DPYSL4: variants seen among roughly 807,000 people sequenced by gnomAD.
DPYSL4 encodes the protein dihydropyrimidinase-related protein 4.
Under a neutral mutation model 63.4 loss-of-function variants are expected in DPYSL4, and 43 were observed. That is an observed-to-expected ratio of 0.68 (90% CI 0.53 to 0.88). DPYSL4 has a LOEUF of 0.88. Ranked by LOEUF, DPYSL4 falls within the 40% of genes least tolerant of loss-of-function variation. DPYSL4 has a pLI of 0.00. For missense variants in DPYSL4, 733 were observed against 819.5 expected (o/e 0.89, Z 1.29); for synonymous variants, 353 against 331.7 (o/e 1.06, Z -0.70).
intron 11 of DPYSL4, 30 bp downstream of exon 11, chr10:132,202,146 G>T (rs2062026654): frequency 6.2e-7 from 1 of 1,600,114 alleles, no homozygotes; most frequent in Non-Finnish European, 8.5e-7. Flanking sequence ...AGTCAGGGTT[G>T]GCCTTTGTGG....
intron 2 of DPYSL4, among the ~76,000 whole-genome samples, chr10:132,191,257 G>A (rs373023097): frequency 2.0e-4 from 22 of 110,590 alleles, no homozygotes; most frequent in African/African-American, 7.0e-4. Context: ...TTCCCAGCTC[G>A]TGTGTACACG....
intron 12 of DPYSL4, among the ~76,000 whole-genome samples, chr10:132,203,146 T>C (rs2062042420): frequency 6.6e-6 from 1 of 152,176 alleles, no homozygotes; most frequent in South Asian, 2.1e-4. Flanking sequence ...GAAATCTAGC[T>C]CCCCACGGGA....
At position 132,195,446 on chromosome 10, in the gene DPYSL4, A is replaced by G. The variant is rs199802505; in HGVS notation, c.478+437A>G. On this transcript the variant is annotated intron_variant, in intron 4 of 13. Transcript: ENST00000338492. ...CACAAAAAACCCTGAAGCTAAAACT[A>G]CATCAGAGTTTCATAGTGGGTTTGA... 5.9e-5 allele frequency among the ~76,000 whole-genome samples: 9 copies of G among 152,358 alleles called. No individual in the cohort carries two copies. In the East Asian group the frequency reaches 1.5e-3, roughly 26 times the overall value.
At chr10:132,194,395 C>T (rs1029482756) in intron 3 of DPYSL4, among the ~76,000 whole-genome samples, 6 of 152,186 alleles carry the variant, frequency 3.9e-5, no homozygotes, top group Non-Finnish European at 5.9e-5. Context: ...GTGGGGCACT[C>T]GGGAAACCAG....
Position 132,204,597 on chromosome 10 carries a change from C to T in DPYSL4, c.1628-242C>T, listed in dbSNP as rs74161739. ...GTTCCTCTCGGGACAGGAAGGGCTT[C>T]CTGCAGCCCACAGTCCCCGCAGGTT... is the stretch of plus-strand genomic sequence containing the variant. On this transcript the variant is annotated intron_variant, in intron 13 of 13. Transcript: ENST00000338492. 9.5e-3 allele frequency among the ~76,000 whole-genome samples: 1,454 copies of T among 152,252 alleles called. 16 individuals are homozygous for T. Among genetic ancestry groups the T allele is most frequent in the Middle Eastern group, 0.024 (7 of 294 alleles).
intron 2 of DPYSL4, among the ~76,000 whole-genome samples, chr10:132,191,471 A>C (rs2061876207): frequency 9.3e-6 from 1 of 108,106 alleles, no homozygotes; most frequent in African/African-American, 3.3e-5. Flanking sequence ...GTATGTTCCC[A>C]GCTCGTGTGT....
At chr10:132,190,308 T>G (rs1029379170) in intron 1 of DPYSL4, among the ~76,000 whole-genome samples, 2 of 152,200 alleles carry the variant, frequency 1.3e-5, no homozygotes, top group Non-Finnish European at 2.9e-5. Context: ...GGAACCAAAG[T>G]CCAGCTCCGT....
At chr10:132,201,109 C>G in intron 10 of DPYSL4, 126 bp downstream of exon 10, 1 of 1,383,296 alleles carries the variant, frequency 7.2e-7, no homozygotes, top group Non-Finnish European at 9.6e-7. Context: ...CACACGGGCT[C>G]CGGGGTGGCG....
chr10:132,198,728 C>T (rs1368642602), intron 7 of DPYSL4, 123 bp from the exon 8 acceptor site: 17 of 1,434,982 alleles, frequency 1.2e-5, no homozygotes, highest in East Asian at 4.9e-5. Flanking sequence ...GAGGCTGGGC[C>T]GCTCCTACTA....
At chr10:132,188,041 C>T (rs2061828341) in intron 1 of DPYSL4, among the ~76,000 whole-genome samples, 1 of 152,150 alleles carries the variant, frequency 6.6e-6, no homozygotes, top group South Asian at 2.1e-4. Flanking sequence ...GAGGAAGGAG[C>T]CCTCCCCTCT....
chr10:132,204,783 A>T, intron 13 of DPYSL4, 56 bp from the exon 14 acceptor site: 1 of 1,487,186 alleles, frequency 6.7e-7, no homozygotes, highest in Non-Finnish European at 9.1e-7. Context: ...CGCCTTGAAT[A>T]GAAGGGCCCC....
intron 4 of DPYSL4, among the ~76,000 whole-genome samples, chr10:132,196,327 T>G (rs966077638): frequency 2.0e-5 from 3 of 152,082 alleles, no homozygotes; most frequent in Non-Finnish European, 4.4e-5. Context: ...CAGCCCCTCA[T>G]CCTTCTGCTC....
In DPYSL4 at chr10:132,205,294, C is replaced by T. The variant is rs566404246; in HGVS notation, c.*364C>T. ...CTGGACACCAGGCTTCTTGGTGAAC[C>T]GGCGAGGGGCCGAGTCCCGCCTGGT... On this transcript the variant is annotated 3_prime_UTR_variant, in exon 14 of 14. Transcript: ENST00000338492. 43 of 185,368 alleles carry T rather than the reference C, an allele frequency of 2.3e-4. No homozygotes were observed. The highest frequency in any genetic ancestry group is 9.6e-4 in the African/African-American group (41 of 42,844). 11.5% of individuals were successfully genotyped at this position (185,368 alleles called of 1,614,324 possible).
chr10:132,199,914 T>G (rs1428806113), intron 8 of DPYSL4, among the ~76,000 whole-genome samples: 1 of 149,568 alleles, frequency 6.7e-6, no homozygotes, highest in Admixed American at 6.6e-5. Context: ...TCTCGGGGGG[T>G]GCCCCACCCC....
At chr10:132,203,002 A>G (rs552910501) in intron 12 of DPYSL4, among the ~76,000 whole-genome samples, 177 bp downstream of exon 12, 13 of 152,372 alleles carry the variant, frequency 8.5e-5, no homozygotes, top group African/African-American at 3.1e-4. Flanking sequence ...TGCTCCCGGA[A>G]GATGGCAGGG....
At chr10:132,197,183 T>G in intron 6 of DPYSL4, 82 bp downstream of exon 6, 1 of 1,240,054 alleles carries the variant, frequency 8.1e-7, no homozygotes, top group Non-Finnish European at 1.1e-6. Flanking sequence ...GGCAGGGGTC[T>G]GAGGGTGACT....
chr10:132,187,996 G>A (rs1436589511), intron 1 of DPYSL4, among the ~76,000 whole-genome samples: 2 of 152,170 alleles, frequency 1.3e-5, no homozygotes, highest in Non-Finnish European at 2.9e-5. Flanking sequence ...AGCTCGAGCC[G>A]TGGGCTGTGG....
chr10:132,202,905 A>C, intron 12 of DPYSL4, 80 bp downstream of exon 12: 1 of 1,490,968 alleles, frequency 6.7e-7, no homozygotes, highest in East Asian at 2.4e-5. Context: ...CCCCTGGTCA[A>C]CCTGGCCCGG....
intron 4 of DPYSL4, among the ~76,000 whole-genome samples, 179 bp downstream of exon 4, chr10:132,195,188 A>T (rs1456235799): frequency 6.6e-6 from 1 of 152,140 alleles, no homozygotes; most frequent in Non-Finnish European, 1.5e-5. Flanking sequence ...CTAGACCAAG[A>T]GGCCTTCTCT....
Sources: gnomAD v4.1 joint callset for allele counts (sites outside exome capture counted in the v4.1 genomes callset) on GRCh38, gnomAD v4.1.1 for gene constraint, MANE v1.5 for transcripts, NCBI Gene and HGNC (gene_info 2026-07-23, HGNC 2026-07-21) for gene names.